The following SOX6 variants were observed in gnomAD, a reference collection of about 807,000 sequenced individuals.
SOX6 encodes the protein transcription factor SOX-6.
Under a neutral mutation model 97.8 loss-of-function variants are expected in SOX6, and 11 were observed. That is an observed-to-expected ratio of 0.11 (90% CI 0.07 to 0.19). SOX6 has a LOEUF of 0.19. Ranked by LOEUF, SOX6 falls within the 10% of genes least tolerant of loss-of-function variation. The pLI is 1.00. For missense variants in SOX6, 810 were observed against 1,039.5 expected (o/e 0.78, Z 3.04); for synonymous variants, 360 against 371.4 (o/e 0.97, Z 0.35).
At chr11:16,136,502 G>A (rs555648244) in intron 6 of SOX6, among the ~76,000 whole-genome samples, 10 of 151,958 alleles carry the variant, frequency 6.6e-5, no homozygotes, top group Admixed American at 2.6e-4. Flanking sequence ...CTAGGCTCAA[G>A]GTATCTTCAT....
chr11:16,370,077 T>C (rs1857462293), intron 1 of SOX6, among the ~76,000 whole-genome samples: 4 of 152,100 alleles, frequency 2.6e-5, no homozygotes, highest in Admixed American at 2.6e-4. Context: ...CCATGCCATG[T>C]TCTTCTCAGT....
intron 1 of SOX6, among the ~76,000 whole-genome samples, chr11:16,363,802 T>C (rs376320477): frequency 6.8e-6 from 1 of 147,428 alleles, no homozygotes; most frequent in East Asian, 2.0e-4. Flanking sequence ...AGCTTAAAGA[T>C]AAAAAAAAAA....
At chr11:16,583,448 C>T (rs1227083313) in intron 4 of SOX6, among the ~76,000 whole-genome samples, 1 of 151,120 alleles carries the variant, frequency 6.6e-6, no homozygotes, top group African/African-American at 2.4e-5. Context: ...CTCCTCTATC[C>T]TTCTCAGCCT....
chr11:16,039,070 C>T (rs749955840), intron 12 of SOX6, among the ~76,000 whole-genome samples: 1 of 151,124 alleles, frequency 6.6e-6, no homozygotes, highest in South Asian at 2.1e-4. Flanking sequence ...CTGTGGCCAT[C>T]CTTTAGCAAT....
chr11:16,708,926 T>C (rs1302652005), intron 3 of SOX6, among the ~76,000 whole-genome samples: 1 of 152,244 alleles, frequency 6.6e-6, no homozygotes. Context: ...ACTTACTAAT[T>C]TACTCAACAC....
chr11:16,521,093 T>C lies in SOX6; in HGVS notation n.610-44705A>G, dbSNP rs544986257. Among the ~76,000 whole-genome samples the C allele has an allele frequency of 2.4e-3, 359 of 152,214 alleles. 1 individual carries two copies. The highest frequency in any genetic ancestry group is 4.5e-3 in the Admixed American group (68 of 15,278). ...AAGACAGCAGTAACCTCTGCAGACT[T>C]AAATGTCCCTGTCTGACAGCTTTGA... is the stretch of plus-strand genomic sequence containing the variant. On this transcript the variant is annotated intron_variant and non_coding_transcript_variant, in intron 4 of 5. Transcript: ENST00000524520.
chr11:16,639,690 G>T (rs1173278729), intron 3 of SOX6, among the ~76,000 whole-genome samples: 1 of 152,146 alleles, frequency 6.6e-6, no homozygotes, highest in African/African-American at 2.4e-5. Context: ...GTGAATGGGT[G>T]TTCACTCATG....
chr11:16,456,271 G>A (rs547057870), intron 1 of SOX6, among the ~76,000 whole-genome samples: 2 of 152,198 alleles, frequency 1.3e-5, no homozygotes, highest in East Asian at 3.9e-4. Context: ...GTTTGTCAAG[G>A]TGAACTACAA....
chr11:16,373,161 A>C (rs1295486262), intron 1 of SOX6, among the ~76,000 whole-genome samples: 2 of 152,108 alleles, frequency 1.3e-5, no homozygotes, highest in Admixed American at 1.3e-4. Context: ...TTTCATCGTA[A>C]AACTGTGGTT....
At chr11:16,051,669 A>T (rs1303072038) in intron 10 of SOX6, among the ~76,000 whole-genome samples, 2 of 152,096 alleles carry the variant, frequency 1.3e-5, no homozygotes, top group Non-Finnish European at 1.5e-5. Flanking sequence ...AATAATAGGG[A>T]TTTATATGCT....
chr11:16,540,533 C>G (rs55928688), intron 4 of SOX6, among the ~76,000 whole-genome samples: 1 of 152,078 alleles, frequency 6.6e-6, no homozygotes, highest in Non-Finnish European at 1.5e-5. Flanking sequence ...GTCAAATTGT[C>G]TCCGTTTGCA....
At chr11:16,087,570 C>A (rs1848604765) in intron 9 of SOX6, among the ~76,000 whole-genome samples, 1 of 151,836 alleles carries the variant, frequency 6.6e-6, no homozygotes, top group Admixed American at 6.6e-5. Context: ...ACTGTTCTAG[C>A]CAGAAGTGAC....
chr11:16,672,327 C>T (rs746519044), intron 3 of SOX6, among the ~76,000 whole-genome samples: 4 of 152,198 alleles, frequency 2.6e-5, no homozygotes, highest in East Asian at 1.9e-4. Flanking sequence ...ATTGGCTAAA[C>T]GCCCCATTTA....
intron 3 of SOX6, among the ~76,000 whole-genome samples, chr11:16,244,867 C>T (rs1328695859): frequency 1.3e-5 from 2 of 151,584 alleles, no homozygotes; most frequent in African/African-American, 2.4e-5. Context: ...TTGTTGCAGC[C>T]TTACAATAAG....
Position 16,368,908 on chromosome 11 carries a change from C to A in SOX6, c.-4-27656G>T, listed in dbSNP as rs574765948. ...CATCAAAAACAACAACCCAATTCAA[C>A]AATGAGCAAAAATTTGAATAGATAT... On this transcript the variant is annotated intron_variant, in intron 1 of 15. Coordinates refer to the SOX6 transcript ENST00000396356. Among the ~76,000 whole-genome samples the A allele has an allele frequency of 1.8e-4, 28 of 152,200 alleles. 1 individual carries two copies. In the South Asian group the frequency reaches 5.8e-3, roughly 32 times the overall value.
At chr11:16,031,150 T>C (rs1167542249) in intron 12 of SOX6, among the ~76,000 whole-genome samples, 1 of 152,170 alleles carries the variant, frequency 6.6e-6, no homozygotes, top group Non-Finnish European at 1.5e-5. Flanking sequence ...GATACTCAGA[T>C]GTAGGCCTAG....
At position 16,287,637 on chromosome 11, in the gene SOX6, A is replaced by T. The variant is rs550410953; in HGVS notation, c.445+30809T>A. On this transcript the variant is annotated intron_variant, in intron 3 of 15. Coordinates refer to ENST00000683767, the MANE Select transcript of SOX6 (RefSeq NM_001367873.1). ...TTAATTTCCTCATTTCTAGAATAGC[A>T]TAAGAGTATCTGTCCTTCCTTACAC... Among the ~76,000 whole-genome samples, 295 of 152,254 alleles carry T rather than the reference A, an allele frequency of 1.9e-3. 1 individual carries two copies. Among genetic ancestry groups the T allele is most frequent in the African/African-American group, 6.9e-3 (286 of 41,582 alleles).
chr11:16,401,392 T>C (rs1377062654), intron 1 of SOX6, among the ~76,000 whole-genome samples: 1 of 151,504 alleles, frequency 6.6e-6, no homozygotes, highest in African/African-American at 2.4e-5. Context: ...AAAAATCTTA[T>C]GTGAATCCCA....
At chr11:16,583,583 A>G (rs1271351491) in intron 4 of SOX6, among the ~76,000 whole-genome samples, 12 of 111,808 alleles carry the variant, frequency 1.1e-4, no homozygotes, top group Non-Finnish European at 1.4e-4. Context: ...CATTGTGTAT[A>G]TATATATATG....
Sources: allele counts gnomAD v4.1 joint callset (sites outside exome capture counted in the v4.1 genomes callset), GRCh38; gene constraint gnomAD v4.1.1; transcripts MANE v1.5; gene names NCBI Gene and HGNC (gene_info 2026-07-23, HGNC 2026-07-21).